The following GRM5 variants were observed in gnomAD, a reference collection of about 807,000 sequenced individuals.
GRM5 encodes metabotropic glutamate receptor 5.
Under a neutral mutation model 83.1 loss-of-function variants are expected in GRM5, and 19 were observed. That is an observed-to-expected ratio of 0.23 (90% CI 0.16 to 0.34). The LOEUF is 0.34. GRM5 is among the 10% of genes least tolerant of loss of function. The pLI, the probability that GRM5 is intolerant of heterozygous loss-of-function variation, is 1.00. For synonymous variants in GRM5, 675 were observed against 633.6 expected (o/e 1.07, Z -0.98); for missense variants, 1,160 against 1,588.3 (o/e 0.73, Z 4.58).
At chr11:89,020,015 C>A (rs1483358038) in intron 2 of GRM5, among the ~76,000 whole-genome samples, 2 of 152,170 alleles carry the variant, frequency 1.3e-5, no homozygotes, top group East Asian at 3.9e-4. Flanking sequence ...AAAATCTGGG[C>A]AGGGACAGGG....
At chr11:88,769,608 C>T (rs1942690125) in intron 3 of GRM5, among the ~76,000 whole-genome samples, 1 of 151,886 alleles carries the variant, frequency 6.6e-6, no homozygotes, top group Non-Finnish European at 1.5e-5. Flanking sequence ...ACAGCAAGAA[C>T]AAAATACATT....
At chr11:88,579,804 T>G (rs1555072516) in intron 7 of GRM5, among the ~76,000 whole-genome samples, 1 of 152,218 alleles carries the variant, frequency 6.6e-6, no homozygotes, top group Non-Finnish European at 1.5e-5. Flanking sequence ...TGTAGATCCT[T>G]ATACAATGGA....
chr11:88,644,741 C>T (rs983916507), intron 4 of GRM5, among the ~76,000 whole-genome samples: 5 of 152,026 alleles, frequency 3.3e-5, no homozygotes, highest in African/African-American at 4.8e-5. Flanking sequence ...TAGCTCTACA[C>T]ATGAAGTGGA....
In GRM5 at chr11:88,897,693, C is replaced by A. The variant is rs191452398; in HGVS notation, c.662-47538G>T. Among the ~76,000 whole-genome samples, 15 of 151,892 alleles carry A rather than the reference C, an allele frequency of 9.9e-5. No individual in the cohort carries two copies. In the East Asian group the frequency reaches 2.5e-3, roughly 26 times the overall value. On this transcript the variant is annotated intron_variant, in intron 2 of 9. Coordinates refer to ENST00000305447, the MANE Select transcript of GRM5 (RefSeq NM_001143831.3). ...TTCTACAATGCATAGGAAAGACCAC[C>A]TGAAAATATATGTATATTCAGTTCA...
At chr11:88,945,155 C>A (rs1429354171) in intron 2 of GRM5, among the ~76,000 whole-genome samples, 3 of 151,144 alleles carry the variant, frequency 2.0e-5, no homozygotes, top group Non-Finnish European at 4.4e-5. Flanking sequence ...CACATACACA[C>A]AAAATGCCTA....
At chr11:88,701,068 C>T (rs1239060000) in intron 3 of GRM5, among the ~76,000 whole-genome samples, 1 of 152,106 alleles carries the variant, frequency 6.6e-6, no homozygotes, top group African/African-American at 2.4e-5. Flanking sequence ...TCCAGAGGTC[C>T]TGCTTCCCAA....
At chr11:88,630,846 G>C (rs1313553673) in intron 4 of GRM5, among the ~76,000 whole-genome samples, 1 of 152,048 alleles carries the variant, frequency 6.6e-6, no homozygotes, top group African/African-American at 2.4e-5. Flanking sequence ...CCAAAGTGCT[G>C]GGATTACAGG....
At chr11:88,862,594 G>A (rs975156622) in intron 2 of GRM5, among the ~76,000 whole-genome samples, 3 of 152,088 alleles carry the variant, frequency 2.0e-5, no homozygotes, top group African/African-American at 4.8e-5. Context: ...ACTATATGGT[G>A]ACTAGTGTGA....
At chr11:88,681,392 T>G (rs1940482961) in intron 3 of GRM5, among the ~76,000 whole-genome samples, 1 of 151,884 alleles carries the variant, frequency 6.6e-6, no homozygotes, top group Non-Finnish European at 1.5e-5. Flanking sequence ...TGCAATTTAC[T>G]TTTTGCTCTT....
intron 3 of GRM5, among the ~76,000 whole-genome samples, chr11:88,760,589 T>A (rs912634905): frequency 6.6e-6 from 1 of 151,824 alleles, no homozygotes; most frequent in Non-Finnish European, 1.5e-5. Flanking sequence ...CCAAAACAAT[T>A]CTCAGTGCCA....
At chr11:88,981,108 A>G (rs913701414) in intron 2 of GRM5, among the ~76,000 whole-genome samples, 6 of 152,200 alleles carry the variant, frequency 3.9e-5, no homozygotes, top group Admixed American at 3.3e-4. Context: ...TAGGCATACA[A>G]GGTACTCTGT....
At chr11:88,932,270 T>C (rs1470829050) in intron 2 of GRM5, among the ~76,000 whole-genome samples, 1 of 152,074 alleles carries the variant, frequency 6.6e-6, no homozygotes, top group Non-Finnish European at 1.5e-5. Context: ...CCTGACATAA[T>C]AAATTTGGAT....
intron 3 of GRM5, among the ~76,000 whole-genome samples, chr11:88,834,091 C>T (rs1363392245): frequency 6.6e-6 from 1 of 151,944 alleles, no homozygotes. Context: ...ATTGTTTGTT[C>T]TAAAATATCT....
chr11:88,842,669 T>C (rs1456224451), intron 3 of GRM5, among the ~76,000 whole-genome samples: 2 of 152,228 alleles, frequency 1.3e-5, no homozygotes, highest in Non-Finnish European at 2.9e-5. Context: ...GATTTGCCTG[T>C]TCCTGTCTCC....
At chr11:88,547,720 C>T (rs1382880138) in intron 8 of GRM5, among the ~76,000 whole-genome samples, 1 of 152,090 alleles carries the variant, frequency 6.6e-6, no homozygotes, top group Non-Finnish European at 1.5e-5. Context: ...AGTAGGCTGG[C>T]AGTCATGGGT....
intron 3 of GRM5, among the ~76,000 whole-genome samples, chr11:88,655,719 T>C (rs1044837416): frequency 2.0e-5 from 3 of 151,582 alleles, no homozygotes; most frequent in Admixed American, 1.3e-4. Flanking sequence ...TTTAATAACT[T>C]AGAAAACTAT....
chr11:89,050,413 G>A (rs1277226466), intron 1 of GRM5, among the ~76,000 whole-genome samples: 1 of 152,206 alleles, frequency 6.6e-6, no homozygotes, highest in East Asian at 1.9e-4. Context: ...AAATATACAA[G>A]CTCCCTATAC....
intron 3 of GRM5, among the ~76,000 whole-genome samples, chr11:88,719,537 C>T (rs1941484420): frequency 6.6e-6 from 1 of 152,022 alleles, no homozygotes; most frequent in African/African-American, 2.4e-5. Context: ...GTGCATGTGT[C>T]TTTATAACAG....
At chr11:88,861,774 C>T (rs1285261951) in intron 2 of GRM5, among the ~76,000 whole-genome samples, 1 of 152,152 alleles carries the variant, frequency 6.6e-6, no homozygotes, top group African/African-American at 2.4e-5. Context: ...TGAGCTACCA[C>T]ACCTGGCCCA....
Sources: gnomAD v4.1 joint callset for allele counts (sites outside exome capture counted in the v4.1 genomes callset) on GRCh38, gnomAD v4.1.1 for gene constraint, MANE v1.5 for transcripts, NCBI Gene and HGNC (gene_info 2026-07-23, HGNC 2026-07-21) for gene names.